Variants in CTNNA2 observed in about 807,000 individuals in gnomAD.
CTNNA2 encodes the protein catenin alpha-2.
A neutral mutation model predicts 101.0 loss-of-function variants in CTNNA2; 42 were observed. That is an observed-to-expected ratio of 0.42 (90% CI 0.32 to 0.54). CTNNA2 has a LOEUF of 0.54. Among genes scored for constraint, CTNNA2 ranks in the 20% least tolerant of loss-of-function variants. The probability of loss-of-function intolerance (pLI) is 0.14; values close to 1 mark genes in which losing one functional copy is unlikely to be tolerated. For missense variants in CTNNA2, 871 were observed against 1,223.1 expected, an observed-to-expected ratio of 0.71 and a Z score of 4.29; for synonymous variants, 450 against 456.4, an observed-to-expected ratio of 0.99 and a Z score of 0.18.
chr2:79,707,232 C>A (rs1267470255), intron 2 of CTNNA2, among the ~76,000 whole-genome samples: 1 of 152,120 alleles, frequency 6.6e-6, no homozygotes, highest in Non-Finnish European at 1.5e-5. Context: ...GTACCCCCTC[C>A]TACTAAATGC....
rs543897409 is a variant in CTNNA2, at chr2:80,257,888, T to C, written c.1057-135323T>C. ...TTATACTGCCACTTGCTTTCTGAATTTTATTTGTATTCAAAAGGCAAGACA... is the reference window on the plus strand; with the variant it reads ...TTATACTGCCACTTGCTTTCTGAATCTTATTTGTATTCAAAAGGCAAGACA... On this transcript the variant is annotated intron_variant, in intron 7 of 18. Transcript: ENST00000402739. Among the ~76,000 whole-genome samples, 12 of 152,298 alleles carry C rather than the reference T, an allele frequency of 7.9e-5. 2 individuals are homozygous for C. The highest frequency in any genetic ancestry group is 2.9e-4 in the African/African-American group (12 of 41,572).
chr2:79,844,193 A>G (rs1680033092), intron 3 of CTNNA2, among the ~76,000 whole-genome samples: 1 of 152,198 alleles, frequency 6.6e-6, no homozygotes, highest in Admixed American at 6.5e-5. Context: ...GCAGCCTGCA[A>G]GAGGCAGGAA....
At chr2:80,097,049 A>T (rs1700200714) in intron 7 of CTNNA2, among the ~76,000 whole-genome samples, 1 of 152,176 alleles carries the variant, frequency 6.6e-6, no homozygotes, top group Non-Finnish European at 1.5e-5. Context: ...TCCTGTCATT[A>T]TGATGTCAGC....
rs184027975 is a variant in CTNNA2 at position 79,204,121 on chromosome 2, G to A, written c.-406+6045G>A. On this transcript the variant is annotated intron_variant, in intron 2 of 21. Transcript: ENST00000466387. ...GATTGCAGAATATCAGAGCCATAAG[G>A]TGCCTTTGAAATTATCTAGTTCAAT... Among the ~76,000 whole-genome samples the A allele has an allele frequency of 2.3e-3, 354 of 152,316 alleles. 1 individual carries two copies. The highest frequency in any genetic ancestry group is 3.8e-3 in the Non-Finnish European group (261 of 68,030).
chr2:80,313,335 G>T, intron 7 of CTNNA2: 1 of 1,307,676 alleles, frequency 7.6e-7, no homozygotes. Context: ...TGCTATTCTT[G>T]TTTTTGTTCA....
intron 9 of CTNNA2, among the ~76,000 whole-genome samples, chr2:80,456,236 G>A (rs1305470112): frequency 3.9e-5 from 6 of 152,184 alleles, no homozygotes; most frequent in Non-Finnish European, 1.5e-5. Flanking sequence ...GCTCCTATGT[G>A]TAATAAAAAG....
At chr2:80,307,730 G>T (rs1677164687) in intron 7 of CTNNA2, among the ~76,000 whole-genome samples, 1 of 152,306 alleles carries the variant, frequency 6.6e-6, no homozygotes, top group East Asian at 1.9e-4. Context: ...TTTGTCAGGG[G>T]AAGGAACCTG....
At chr2:79,696,663 C>A (rs189032001) in intron 2 of CTNNA2, among the ~76,000 whole-genome samples, 69 of 152,090 alleles carry the variant, frequency 4.5e-4, no homozygotes, top group African/African-American at 1.6e-3. Context: ...CTCCCTGGGC[C>A]TAGAGGGAGG....
chr2:79,403,840 G>T (rs1305409367), intron 4 of CTNNA2, among the ~76,000 whole-genome samples: 1 of 151,912 alleles, frequency 6.6e-6, no homozygotes, highest in Non-Finnish European at 1.5e-5. Context: ...AATTAACATA[G>T]TTGTTGTGGA....
chr2:80,292,000 C>T (rs1438612134), intron 7 of CTNNA2, among the ~76,000 whole-genome samples: 1 of 152,162 alleles, frequency 6.6e-6, no homozygotes, highest in African/African-American at 2.4e-5. Context: ...ACTTCACTGC[C>T]TCCATATCCC....
intron 2 of CTNNA2, among the ~76,000 whole-genome samples, chr2:79,290,903 A>G (rs1404225141): frequency 6.6e-6 from 1 of 152,220 alleles, no homozygotes; most frequent in East Asian, 1.9e-4. Context: ...CAGGGGGTCT[A>G]ATTGCGCTGA....
At chr2:79,880,051 G>A (rs1683310246) in intron 6 of CTNNA2, among the ~76,000 whole-genome samples, 6 of 152,062 alleles carry the variant, frequency 3.9e-5, no homozygotes, top group Admixed American at 3.9e-4. Flanking sequence ...TTTATCAAAG[G>A]CCTTTTCTGC....
chr2:79,851,194 G>A (rs1445617257), intron 3 of CTNNA2, among the ~76,000 whole-genome samples: 1 of 152,206 alleles, frequency 6.6e-6, no homozygotes, highest in African/African-American at 2.4e-5. Context: ...CTTCTGTGGT[G>A]TTGTCCACCT....
At chr2:80,605,240 C>A (rs1012973005) in intron 16 of CTNNA2, 4 of 151,932 alleles carry the variant, frequency 2.6e-5, no homozygotes, top group African/African-American at 4.8e-5. Context: ...TGTTTTGTTG[C>A]AATTATGGTC....
At chr2:79,896,770 G>C (rs1445439932) in intron 6 of CTNNA2, among the ~76,000 whole-genome samples, 3 of 152,202 alleles carry the variant, frequency 2.0e-5, no homozygotes, top group Admixed American at 2.0e-4. Flanking sequence ...GGAAAGTTTT[G>C]TACACAAGAG....
chr2:79,965,989 C>T (rs897449113), intron 7 of CTNNA2, among the ~76,000 whole-genome samples: 8 of 151,732 alleles, frequency 5.3e-5, no homozygotes, highest in African/African-American at 1.2e-4. Flanking sequence ...GGAATACATA[C>T]GTATATTTTT....
intron 2 of CTNNA2, among the ~76,000 whole-genome samples, chr2:79,243,226 A>G (rs1378062830): frequency 6.6e-6 from 1 of 152,074 alleles, no homozygotes. Flanking sequence ...TAGGGGTGAA[A>G]GAGGAAGAGG....
Position 80,374,678 on chromosome 2 carries a change from CGTGCGTGT to C in CTNNA2, c.1057-18529_1057-18522del, listed in dbSNP as rs1412260751. 8.2e-3 allele frequency among the ~76,000 whole-genome samples: 1,171 copies of C among 143,200 alleles called. 20 individuals are homozygous for C. Among genetic ancestry groups the C allele is most frequent in the African/African-American group, 0.028 (1,056 of 37,588 alleles). The allele number at this position is 143,200 out of a possible 152,430, so 93.9% of individuals were successfully genotyped here. On this transcript the variant is annotated intron_variant, in intron 7 of 18. Transcript: ENST00000402739. ...ACACTGTCTTTCCTCTGCGTGCGTG[CGTGCGTGT>C]GTGTGTGTGTGTGTGTGTGTGTGTG... is the stretch of plus-strand genomic sequence containing the variant.
intron 13 of CTNNA2, among the ~76,000 whole-genome samples, chr2:80,578,498 A>G (rs957241182): frequency 1.3e-5 from 2 of 152,176 alleles, no homozygotes; most frequent in Non-Finnish European, 2.9e-5. Flanking sequence ...AATAGCACTC[A>G]TAGTTTTAAA....
Sources: allele counts gnomAD v4.1 joint callset (sites outside exome capture counted in the v4.1 genomes callset), GRCh38; gene constraint gnomAD v4.1.1; transcripts MANE v1.5; gene names NCBI Gene and HGNC (gene_info 2026-07-23, HGNC 2026-07-21).